Variants in KLF12 observed in about 807,000 individuals in gnomAD.
KLF12 encodes Krueppel-like factor 12.
A neutral mutation model predicts 37.8 loss-of-function variants in KLF12; 9 were observed. The observed-to-expected ratio is 0.24, with a 90% CI of 0.14 to 0.42. KLF12 has a LOEUF of 0.42. Among genes scored for constraint, KLF12 ranks in the 10% least tolerant of loss-of-function variants. The probability of loss-of-function intolerance (pLI) is 1.00; values close to 1 mark genes in which losing one functional copy is unlikely to be tolerated. For missense variants in KLF12, 411 were observed against 516.0 expected (o/e 0.80, Z 1.97); for synonymous variants, 208 against 202.1 (o/e 1.03, Z -0.25).
intron 2 of KLF12, among the ~76,000 whole-genome samples, chr13:73,969,620 T>C (rs1436164234): frequency 6.6e-6 from 1 of 152,234 alleles, no homozygotes; most frequent in South Asian, 2.1e-4. Flanking sequence ...CCTCTTACCA[T>C]GTTCAGATTT....
chr13:73,788,210 G>A (rs1407741985), intron 5 of KLF12, among the ~76,000 whole-genome samples: 2 of 152,038 alleles, frequency 1.3e-5, no homozygotes, highest in African/African-American at 4.8e-5. Flanking sequence ...TTATCATTAT[G>A]GAAAATTTGG....
chr13:74,238,805 A>G, the KLF12 span, among the ~76,000 whole-genome samples: 1 of 151,884 alleles, frequency 6.6e-6, no homozygotes, highest in African/African-American at 2.4e-5. Context: ...ATCATTTTTT[A>G]TTGCGTCTAC....
At chr13:73,731,536 CAAAAA>C (rs66701744) in intron 6 of KLF12, among the ~76,000 whole-genome samples, 1 of 103,530 alleles carries the variant, frequency 9.7e-6, no homozygotes, top group Non-Finnish European at 1.8e-5. Flanking sequence ...GGAAATTAGA[CAAAAA>C]AAAAAAAAAA....
At chr13:74,211,192 AT>A in the KLF12 span, among the ~76,000 whole-genome samples, 7 of 152,148 alleles carry the variant, frequency 4.6e-5, no homozygotes, top group Non-Finnish European at 7.4e-5. Flanking sequence ...GCTCAATGGC[AT>A]CTCTGAATTT....
chr13:74,239,809 C>T, the KLF12 span, among the ~76,000 whole-genome samples: 3 of 152,046 alleles, frequency 2.0e-5, no homozygotes, highest in African/African-American at 7.2e-5. Flanking sequence ...GATCTTCCTC[C>T]ATCCTTTTAT....
chr13:73,841,621 G>C (rs749621518), intron 4 of KLF12, among the ~76,000 whole-genome samples: 15 of 152,110 alleles, frequency 9.9e-5, no homozygotes, highest in Non-Finnish European at 1.8e-4. Context: ...TCCTTTGTGA[G>C]GTCAAATAAT....
At chr13:73,983,644 G>C (rs1891746109) in intron 2 of KLF12, among the ~76,000 whole-genome samples, 1 of 152,124 alleles carries the variant, frequency 6.6e-6, no homozygotes, top group African/African-American at 2.4e-5. Context: ...TTTCCATCAT[G>C]TACAAAATCA....
At chr13:73,882,343 T>C (rs1887020160) in intron 3 of KLF12, among the ~76,000 whole-genome samples, 1 of 152,188 alleles carries the variant, frequency 6.6e-6, no homozygotes, top group African/African-American at 2.4e-5. Flanking sequence ...TTCATACAAA[T>C]GATAGTCACA....
At chr13:73,763,696 A>G (rs547187862) in intron 6 of KLF12, among the ~76,000 whole-genome samples, 2 of 152,296 alleles carry the variant, frequency 1.3e-5, no homozygotes, top group Non-Finnish European at 2.9e-5. Flanking sequence ...TACTCTACCC[A>G]TTAGCTTGTG....
chr13:73,761,438 T>G (rs1468817859), intron 6 of KLF12, among the ~76,000 whole-genome samples: 3 of 152,174 alleles, frequency 2.0e-5, no homozygotes, highest in Non-Finnish European at 4.4e-5. Context: ...ACAACTCTCC[T>G]GTATCAACCC....
At chr13:74,263,859 GGGCTTTTACTGATTTT>G in the KLF12 span, among the ~76,000 whole-genome samples, 1 of 152,152 alleles carries the variant, frequency 6.6e-6, no homozygotes, top group African/African-American at 2.4e-5. Flanking sequence ...TTGTCCTTCA[GGGCTTTTACTGATTTT>G]GGAGTATACA....
intron 1 of KLF12, among the ~76,000 whole-genome samples, chr13:74,086,130 T>C (rs901015618): frequency 2.0e-5 from 3 of 151,862 alleles, no homozygotes; most frequent in Non-Finnish European, 4.4e-5. Context: ...ATTATTATTA[T>C]TATTACACTT....
At chr13:73,964,807 C>T (rs1891129897) in intron 2 of KLF12, among the ~76,000 whole-genome samples, 1 of 152,102 alleles carries the variant, frequency 6.6e-6, no homozygotes, top group African/African-American at 2.4e-5. Context: ...CATAGTGAGA[C>T]CTCGTCTTTA....
At chr13:73,708,377 T>G (rs1434662359) in intron 7 of KLF12, among the ~76,000 whole-genome samples, 1 of 152,190 alleles carries the variant, frequency 6.6e-6, no homozygotes, top group Non-Finnish European at 1.5e-5. Flanking sequence ...TTTTACATAT[T>G]GTAATTCCTT....
intron 3 of KLF12, among the ~76,000 whole-genome samples, chr13:73,940,058 A>G (rs946730586): frequency 6.6e-6 from 1 of 152,200 alleles, no homozygotes; most frequent in African/African-American, 2.4e-5. Flanking sequence ...CTGCAGGGCC[A>G]GGAATAAAAT....
At chr13:74,172,261 G>T in the KLF12 span, among the ~76,000 whole-genome samples, 1 of 151,634 alleles carries the variant, frequency 6.6e-6, no homozygotes, top group African/African-American at 2.4e-5. Context: ...CTGTAAAAAG[G>T]CACTAAACTG....
the KLF12 span, among the ~76,000 whole-genome samples, chr13:74,263,228 C>G: frequency 6.6e-6 from 1 of 152,248 alleles, no homozygotes; most frequent in Middle Eastern, 3.4e-3. Context: ...TTGTACACAT[C>G]TTTTTACTTA....
chr13:74,045,503 T>C (rs1196944942), intron 1 of KLF12, among the ~76,000 whole-genome samples: 1 of 151,756 alleles, frequency 6.6e-6, no homozygotes, highest in Non-Finnish European at 1.5e-5. Context: ...TGTGGTATGC[T>C]AGACAGGATC....
intron 2 of KLF12, among the ~76,000 whole-genome samples, chr13:73,951,426 T>C (rs1487063210): frequency 2.6e-5 from 4 of 152,180 alleles, no homozygotes; most frequent in African/African-American, 9.6e-5. Flanking sequence ...ATTATGAAAA[T>C]GACAATGAGT....
Sources: gnomAD v4.1 joint callset for allele counts (sites outside exome capture counted in the v4.1 genomes callset) on GRCh38, gnomAD v4.1.1 for gene constraint, MANE v1.5 for transcripts, NCBI Gene and HGNC (gene_info 2026-07-23, HGNC 2026-07-21) for gene names.